The following LSG1 variants were observed in gnomAD, a reference collection of about 807,000 sequenced individuals.
LSG1 encodes large subunit GTPase 1 homolog.
In LSG1, 55 loss-of-function variants were observed where a neutral mutation model predicts 82.6. That is an observed-to-expected ratio of 0.67 (90% CI 0.54 to 0.83). LSG1 has a LOEUF of 0.83. Ranked by LOEUF, LSG1 falls within the 40% of genes least tolerant of loss-of-function variation. The pLI, the probability that LSG1 is intolerant of heterozygous loss-of-function variation, is 0.00. For missense variants in LSG1, 809 were observed against 807.9 expected (o/e 1.00, Z -0.02); for synonymous variants, 272 against 282.5 (o/e 0.96, Z 0.37).
At chr3:194,658,594 A>G (rs1035347710) in intron 7 of LSG1, among the ~76,000 whole-genome samples, 1 of 152,258 alleles carries the variant, frequency 6.6e-6, no homozygotes, top group African/African-American at 2.4e-5. Context: ...AGAGATTCTA[A>G]TCAAGTCCTG....
intron 7 of LSG1, among the ~76,000 whole-genome samples, chr3:194,654,098 T>C (rs1560223802): frequency 5.3e-5 from 8 of 152,242 alleles, no homozygotes. Context: ...TTTGTATTTT[T>C]AAAGACGGTG....
chr3:194,649,378 A>T (rs936387890), intron 10 of LSG1, among the ~76,000 whole-genome samples: 2 of 152,150 alleles, frequency 1.3e-5, no homozygotes, highest in Non-Finnish European at 2.9e-5. Flanking sequence ...ATGTCTCACT[A>T]TTAATTTACA....
At chr3:194,658,897 CA>C (rs1463211473) in intron 7 of LSG1, 59 bp downstream of exon 7, 21 of 1,451,076 alleles carry the variant, frequency 1.4e-5, no homozygotes, top group Non-Finnish European at 1.9e-5. Flanking sequence ...AAACGAAGCA[CA>C]TTAACAAGAA....
At chr3:194,667,942 A>AAAATATATATAT (rs1416407494) in intron 2 of LSG1, among the ~76,000 whole-genome samples, 6 of 86,962 alleles carry the variant, frequency 6.9e-5, no homozygotes, top group Admixed American at 1.5e-4. Flanking sequence ...AAAAAAAAAA[A>AAAATATATATAT]ATATATATAT....
At position 194,641,137 on chromosome 3, in the gene LSG1, T is replaced by A. The variant is rs1196711545; in HGVS notation, c.*931A>T. Reference sequence around the variant, plus strand: ...ACACAGATCCAAACCACATCAACAGTGCTTTCATGCTTTTGATTATCTTTT... The same window carrying A: ...ACACAGATCCAAACCACATCAACAGAGCTTTCATGCTTTTGATTATCTTTT... On this transcript the variant is annotated 3_prime_UTR_variant, in exon 14 of 14. Coordinates refer to ENST00000265245, the MANE Select transcript of LSG1 (RefSeq NM_018385.3). The A allele has an allele frequency of 5.9e-5, 9 of 152,212 alleles. No homozygotes were observed. Among genetic ancestry groups the A allele is most frequent in the African/African-American group, 2.2e-4 (9 of 41,458 alleles). The allele number at this position is 152,212 out of a possible 1,614,324, so 9.4% of individuals were successfully genotyped here.
chr3:194,653,011 A>C lies in LSG1; in HGVS notation c.891T>G (p.Asn297Lys). 6.2e-7 allele frequency: 1 copy of C among 1,613,966 alleles called. No homozygotes were observed. The highest frequency in any genetic ancestry group is 1.6e-4 in the Middle Eastern group (1 of 6,062). ...PARDSPSLSE[N>K]PTTDEDDSEY... is the part of the protein sequence containing the mutation. ...CACTGTCATCTTCATCCGTTGTGGG[A>C]TTTTCACTAAGTGAAGGAGAATCCC... is the stretch of plus-strand genomic sequence containing the variant. Residue 297 changes from asparagine (N) to lysine (K), a missense_variant, in exon 8 of 14, where the codon AAT becomes AAG. Coordinates refer to ENST00000265245, the MANE Select transcript of LSG1 (RefSeq NM_018385.3).
At chr3:194,644,091 G>A (rs545606458) in intron 13 of LSG1, among the ~76,000 whole-genome samples, 14 of 152,038 alleles carry the variant, frequency 9.2e-5, no homozygotes, top group Non-Finnish European at 1.8e-4. Context: ...GGCCGGGCGC[G>A]GTGGCTCACG....
At chr3:194,656,239 T>C (rs368047820) in intron 7 of LSG1, among the ~76,000 whole-genome samples, 1 of 149,992 alleles carries the variant, frequency 6.7e-6, no homozygotes, top group Non-Finnish European at 1.5e-5. Context: ...AGAAAATTTT[T>C]GCAACCTACT....
chr3:194,659,983 G>C (rs754867852), intron 6 of LSG1, 90 bp downstream of exon 6: 4 of 1,143,702 alleles, frequency 3.5e-6, no homozygotes, highest in Non-Finnish European at 5.3e-6. Flanking sequence ...AGAGAGGGCA[G>C]AATGTATGCC....
intron 11 of LSG1, chr3:194,646,492 C>A: frequency 2.8e-6 from 1 of 351,870 alleles, no homozygotes; most frequent in African/African-American, 2.1e-5. Context: ...TTTCTCTCTA[C>A]TCCAGTTATT....
intron 8 of LSG1, among the ~76,000 whole-genome samples, chr3:194,651,967 G>A (rs933470431): frequency 1.3e-5 from 2 of 152,090 alleles, no homozygotes; most frequent in Admixed American, 6.6e-5. Context: ...TTTTAAACAG[G>A]CATTTTGGGG....
chr3:194,671,034 T>C (rs1719130605), intron 1 of LSG1, among the ~76,000 whole-genome samples: 1 of 152,168 alleles, frequency 6.6e-6, no homozygotes, highest in Non-Finnish European at 1.5e-5. Flanking sequence ...CTGTAGTGAA[T>C]TGGTGAGTTA....
In LSG1 at chr3:194,660,073, C is replaced by T. The variant is rs1718892709; in HGVS notation, c.582G>A (p.Leu194=). Residue 194 remains leucine (L), a splice_region_variant and synonymous_variant, in exon 6 of 14, where the codon TTG becomes TTA. Transcript: ENST00000265245. ...RNPLLFRCED[L]ECYVKEMDAN... ...TTGAATTTTGTCAAACTTGACTTAC[C>T]AAATCCTCACATCTAAACAGGAGTG... is the stretch of plus-strand genomic sequence containing the variant. 6.2e-7 allele frequency: 1 copy of T among 1,613,516 alleles called. No homozygotes were observed. The highest frequency in any genetic ancestry group is 8.5e-7 in the Non-Finnish European group (1 of 1,179,626).
rs1404708879 is a variant in LSG1 at position 194,642,109 on chromosome 3, T to A, written c.1936A>T (p.Lys646Ter). Residue 646 changes from lysine to a stop codon, truncating the protein, a stop_gained, in exon 14 of 14, where the codon AAA becomes TAA. Transcript: ENST00000265245. LOFTEE classifies it high-confidence loss of function. ...PWKKHGNRNK[K>*]EKSRRLYKHL... ...TTGTAGAGTCTACGACTTTTTTCTT[T>A]TTTATTTCTGTTGCCATGTTTTTTC... 1 of 1,613,462 alleles carries A rather than the reference T, an allele frequency of 6.2e-7. No individual in the cohort carries two copies. The highest frequency in any genetic ancestry group is 2.2e-5 in the East Asian group (1 of 44,880).
In LSG1 at chr3:194,652,953, C is replaced by T. The variant is rs777352056; in HGVS notation, c.949G>A (p.Asp317Asn). Residue 317 changes from aspartate (D) to asparagine (N), a missense_variant, in exon 8 of 14, where the codon GAC becomes AAC. Transcript: ENST00000265245. ...TCTTCTTCTGAGCACGTCTGCCAGT[C>T]GTCTTCCTCCTCCTCTGGACAGTCC... Reference protein sequence around the residue: ...YEDCPEEEEDDWQTCSEEDGP... With the variant: ...YEDCPEEEEDNWQTCSEEDGP... 3.0e-5 allele frequency: 49 copies of T among 1,614,054 alleles called. No homozygotes were observed. Among genetic ancestry groups the T allele is most frequent in the African/African-American group, 4.0e-5 (3 of 74,922 alleles).
chr3:194,645,537 C>CACAG (rs1718515512), intron 12 of LSG1: 1 of 27,256 alleles, frequency 3.7e-5, no homozygotes, highest in Non-Finnish European at 8.1e-5. Context: ...CACAGACAGA[C>CACAG]ACACACACAC....
intron 12 of LSG1, 150 bp downstream of exon 12, chr3:194,646,014 T>C: frequency 1.4e-6 from 1 of 715,146 alleles, no homozygotes. Flanking sequence ...CTATAATCCA[T>C]ATAATGTTAA....
chr3:194,667,812 A>G (rs1416104124), intron 2 of LSG1, among the ~76,000 whole-genome samples: 2 of 150,034 alleles, frequency 1.3e-5, no homozygotes, highest in Non-Finnish European at 3.0e-5. Context: ...AATCCCAGCT[A>G]CTCAGGAGGC....
intron 5 of LSG1, among the ~76,000 whole-genome samples, chr3:194,662,155 C>T (rs778395887): frequency 8.1e-4 from 124 of 152,234 alleles, no homozygotes; most frequent in Non-Finnish European, 8.5e-4. Context: ...ACGAGGCCCG[C>T]GCCCGTAATC....
Sources: gnomAD v4.1 joint callset for allele counts (sites outside exome capture counted in the v4.1 genomes callset) on GRCh38, gnomAD v4.1.1 for gene constraint, MANE v1.5 for transcripts, NCBI Gene and HGNC (gene_info 2026-07-23, HGNC 2026-07-21) for gene names.